Variants in PDGFRA observed in about 807,000 individuals in gnomAD.
The protein encoded by PDGFRA is platelet derived growth factor receptor alpha, also known as platelet-derived growth factor receptor alpha.
A neutral mutation model predicts 121.5 loss-of-function variants in PDGFRA; 25 were observed. That is an observed-to-expected ratio of 0.21 (90% CI 0.15 to 0.29). The LOEUF is 0.29. PDGFRA is among the 10% of genes least tolerant of loss of function. The pLI is 1.00. For synonymous variants in PDGFRA, 463 were observed against 494.8 expected (o/e 0.94, Z 0.85); for missense variants, 1,008 against 1,345.1 (o/e 0.75, Z 3.92).
At chr4:54,231,988 A>T (rs906481022) in intron 1 of PDGFRA, among the ~76,000 whole-genome samples, 2 of 152,118 alleles carry the variant, frequency 1.3e-5, no homozygotes, top group Non-Finnish European at 2.9e-5. Flanking sequence ...CCTCCTGGGG[A>T]CGGACCGTGG....
At chr4:54,272,608 C>G (rs1723468305) in intron 9 of PDGFRA, 88 bp downstream of exon 9, 1 of 1,464,556 alleles carries the variant, frequency 6.8e-7, no homozygotes, top group African/African-American at 1.4e-5. Flanking sequence ...TACTTATTGA[C>G]TATAAGATAG....
intron 1 of PDGFRA, chr4:54,243,563 A>C (rs1721428935): frequency 6.6e-6 from 1 of 152,222 alleles, no homozygotes; most frequent in South Asian, 2.1e-4. Context: ...ACATTGGCTA[A>C]AGTTAAAGGA....
chr4:54,262,299 AAGTGATCCAC>A (rs1477753093), intron 3 of PDGFRA, among the ~76,000 whole-genome samples: 1 of 152,050 alleles, frequency 6.6e-6, no homozygotes, highest in African/African-American at 2.4e-5. Flanking sequence ...TCCTGGGCTC[AAGTGATCCAC>A]AGCCACCTCA....
chr4:54,270,863 G>A (rs778814149), intron 8 of PDGFRA, 115 bp downstream of exon 8: 1 of 712,792 alleles, frequency 1.4e-6, no homozygotes, highest in African/African-American at 1.7e-5. Flanking sequence ...GGGAGAAGCA[G>A]TGTCTGCATA....
At chr4:54,273,178 G>C (rs376626811) in intron 9 of PDGFRA, among the ~76,000 whole-genome samples, 1 of 152,276 alleles carries the variant, frequency 6.6e-6, no homozygotes, top group East Asian at 1.9e-4. Flanking sequence ...TGAGAAGGGA[G>C]GGCTCCAGGC....
intron 13 of PDGFRA, 39 bp downstream of exon 13, chr4:54,277,531 T>A: frequency 7.4e-7 from 1 of 1,355,170 alleles, no homozygotes; most frequent in Non-Finnish European, 1.1e-6. Context: ...AGCACGGGGA[T>A]TTTTTGAGCA....
At chr4:54,250,328 A>G (rs958487327) in intron 1 of PDGFRA, among the ~76,000 whole-genome samples, 6 of 152,214 alleles carry the variant, frequency 3.9e-5, no homozygotes, top group African/African-American at 1.4e-4. Context: ...TTCCAAACTG[A>G]AATTCTAATG....
intron 8 of PDGFRA, 45 bp from the exon 9 acceptor site, chr4:54,272,349 T>C: frequency 2.5e-6 from 4 of 1,611,000 alleles, no homozygotes; most frequent in Non-Finnish European, 3.4e-6. Context: ...TCATATGTTC[T>C]GGGACACGAG....
chr4:54,282,068 C>A, intron 16 of PDGFRA: 1 of 652,580 alleles, frequency 1.5e-6, no homozygotes. Context: ...TTAAAGGTAG[C>A]TGAGATGATT....
intron 4 of PDGFRA, 189 bp from the exon 5 acceptor site, chr4:54,264,730 C>T (rs1722937094): frequency 1.8e-6 from 1 of 553,134 alleles, no homozygotes; most frequent in Non-Finnish European, 3.2e-6. Context: ...TGTATTATAA[C>T]TATATGCCTA....
chr4:54,291,446 C>T (rs762878157), intron 22 of PDGFRA, among the ~76,000 whole-genome samples: 1 of 151,982 alleles, frequency 6.6e-6, no homozygotes, highest in African/African-American at 2.4e-5. Flanking sequence ...TATTATCATA[C>T]TCCATTAAAA....
At chr4:54,246,116 T>C (rs987895755) in intron 1 of PDGFRA, among the ~76,000 whole-genome samples, 2 of 152,132 alleles carry the variant, frequency 1.3e-5, no homozygotes, top group African/African-American at 4.8e-5. Context: ...ACAATAATAA[T>C]TGGAGACTTT....
chr4:54,245,817 C>A (rs1440776245), intron 1 of PDGFRA, among the ~76,000 whole-genome samples: 6 of 151,972 alleles, frequency 3.9e-5, no homozygotes, highest in Non-Finnish European at 8.8e-5. Context: ...TTCAGGAAAC[C>A]CATCTCACGT....
chr4:54,264,716 A>T, intron 4 of PDGFRA: 2 of 513,702 alleles, frequency 3.9e-6, no homozygotes, highest in Middle Eastern at 5.5e-4. Context: ...TTATTTTGTA[A>T]TTCTGTATTA....
rs267600189 is a variant in PDGFRA, at chr4:54,290,339, C to A, written c.2907C>A (p.Phe969Leu). ...KKSYEKIHLD[F>L]LKSDHPAVAR... The stretch of plus-strand genomic sequence containing the variant: ...GTTATGAAAAAATTCACCTGGACTT[C>A]CTGAAGAGTGACCATCCTGCTGTGG... Residue 969 changes from phenylalanine (F) to leucine (L), a missense_variant, in exon 22 of 23, where the codon TTC becomes TTA. Physicochemically the swap from Phe to Leu is conservative, Grantham distance 22. Transcript: ENST00000257290. 3 of 1,612,184 alleles carry A rather than the reference C, an allele frequency of 1.9e-6. No homozygotes were observed. In the South Asian group the frequency reaches 3.3e-5, roughly 18 times the overall value.
chr4:54,247,723 G>A (rs1023627986), intron 1 of PDGFRA, among the ~76,000 whole-genome samples: 2 of 152,150 alleles, frequency 1.3e-5, no homozygotes, highest in Non-Finnish European at 2.9e-5. Flanking sequence ...TCTGGCCAGG[G>A]CAATTAGGCA....
At chr4:54,235,257 C>G (rs556455464) in intron 1 of PDGFRA, among the ~76,000 whole-genome samples, 1 of 152,210 alleles carries the variant, frequency 6.6e-6, no homozygotes, top group South Asian at 2.1e-4. Context: ...CTCCTGTGGT[C>G]TTTAATCATG....
intron 4 of PDGFRA, 183 bp from the exon 5 acceptor site, chr4:54,264,736 G>A (rs748039248): frequency 3.5e-6 from 2 of 567,932 alleles, no homozygotes; most frequent in Non-Finnish European, 6.2e-6. Flanking sequence ...ATAACTATAT[G>A]CCTAATTGTT....
intron 1 of PDGFRA, among the ~76,000 whole-genome samples, chr4:54,253,426 CCTTT>C (rs1373454190): frequency 6.6e-6 from 1 of 152,142 alleles, no homozygotes; most frequent in Non-Finnish European, 1.5e-5. Flanking sequence ...TGATTTCCAT[CCTTT>C]CTTCTGAGAG....
Sources: allele counts gnomAD v4.1 joint callset (sites outside exome capture counted in the v4.1 genomes callset), GRCh38; gene constraint gnomAD v4.1.1; transcripts MANE v1.5; gene names NCBI Gene and HGNC (gene_info 2026-07-23, HGNC 2026-07-21).